The following CHD8 variants were observed in gnomAD, a reference collection of about 807,000 sequenced individuals.
CHD8 encodes the protein chromodomain helicase DNA binding protein 8, also known as ATP-dependent chromatin remodeler CHD8.
Under a neutral mutation model 279.2 loss-of-function variants are expected in CHD8, and 31 were observed. The ratio of observed to expected loss-of-function variants is 0.11; its 90% CI spans 0.08 to 0.15. The LOEUF is 0.15. CHD8 is among the 10% of genes least tolerant of loss of function. The probability of loss-of-function intolerance (pLI) is 1.00; values close to 1 mark genes in which losing one functional copy is unlikely to be tolerated. For synonymous variants in CHD8, 1,081 were observed against 1,139.6 expected (o/e 0.95, Z 1.04); for missense variants, 2,146 against 3,230.5 (o/e 0.66, Z 8.14).
intron 26 of CHD8, chr14:21,399,281 A>G: frequency 3.1e-6 from 1 of 321,494 alleles, no homozygotes; most frequent in South Asian, 3.2e-5. Flanking sequence ...TATTAACAAT[A>G]GTTGGGGTAT....
chr14:21,405,071 C>T lies in CHD8; in HGVS notation c.3307+138G>A, dbSNP rs192710775. 3,014 of 739,134 alleles carry T rather than the reference C, an allele frequency of 4.1e-3. 12 individuals carry two copies. The highest frequency in any genetic ancestry group is 5.6e-3 in the Non-Finnish European group (2,599 of 460,786). The allele number at this position is 739,134 out of a possible 1,614,324, so 45.8% of individuals were successfully genotyped here. A position where few individuals can be genotyped will look rare whatever the true frequency, so the allele number is the denominator to read the frequency against. On this transcript the variant is annotated intron_variant, in intron 16 of 37. Coordinates refer to ENST00000646647, the MANE Select transcript of CHD8 (RefSeq NM_001170629.2). The surrounding 1 kb of genome is among the most constrained non-coding windows in gnomAD (Gnocchi z 4.2). ...TAGAGTCTCTTTTTTAAAAGGAGAA[C>T]CATTTCCCTCCCATTCCTCAGTCCG...
At chr14:21,404,551 C>G (rs1888180685) in intron 16 of CHD8, among the ~76,000 whole-genome samples, 3 of 152,108 alleles carry the variant, frequency 2.0e-5, no homozygotes, top group African/African-American at 7.2e-5. Flanking sequence ...CCAAAAGAGA[C>G]AGAAACAGCA....
At chr14:21,386,294 A>G (rs1030463494) in intron 37 of CHD8, 118 bp from the exon 38 acceptor site, 4 of 954,058 alleles carry the variant, frequency 4.2e-6, no homozygotes, top group Admixed American at 5.7e-5. Context: ...TAGAAGAGGC[A>G]AAACAAGCAC....
intron 10 of CHD8, among the ~76,000 whole-genome samples, chr14:21,411,757 T>C (rs1040661700): frequency 1.3e-5 from 2 of 152,184 alleles, no homozygotes; most frequent in African/African-American, 4.8e-5. Context: ...AAGACCTAGA[T>C]GACCATTTGA....
chr14:21,414,692 C>T, intron 8 of CHD8: 2 of 597,076 alleles, frequency 3.3e-6, no homozygotes, highest in Non-Finnish European at 5.9e-6. Context: ...TAGTGCTAAA[C>T]TAAGGTAAAG....
chr14:21,406,751 C>T, intron 14 of CHD8, 105 bp downstream of exon 14: 1 of 1,025,766 alleles, frequency 9.7e-7, no homozygotes, highest in Non-Finnish European at 1.4e-6. Flanking sequence ...TGTTCAATAC[C>T]ACGATTCAGA....
intron 34 of CHD8, 31 bp from the exon 35 acceptor site, chr14:21,391,977 C>G: frequency 7.0e-7 from 1 of 1,425,398 alleles, no homozygotes; most frequent in Non-Finnish European, 9.9e-7. Context: ...CCCAAGACAT[C>G]ATATGGTACA....
At chr14:21,406,049 A>G (rs973211905) in intron 14 of CHD8, among the ~76,000 whole-genome samples, 185 bp from the exon 15 acceptor site, 3 of 152,220 alleles carry the variant, frequency 2.0e-5, no homozygotes, top group African/African-American at 7.2e-5. Flanking sequence ...ATAAACACAA[A>G]GCATTCAAGA....
intron 34 of CHD8, chr14:21,392,296 T>TG: frequency 1.3e-6 from 1 of 767,284 alleles, no homozygotes; most frequent in Non-Finnish European, 2.3e-6. Flanking sequence ...AAGAAACTTT[T>TG]GTTGAATATT....
chr14:21,438,783 C>A (rs1258594002), intron 1 of CHD8, among the ~76,000 whole-genome samples: 1 of 151,610 alleles, frequency 6.6e-6, no homozygotes, highest in Non-Finnish European at 1.5e-5. Flanking sequence ...GAGCCAAGAT[C>A]ACCCCACTGC....
intron 1 of CHD8, among the ~76,000 whole-genome samples, chr14:21,441,818 G>A (rs945536015): frequency 2.0e-5 from 3 of 152,202 alleles, no homozygotes; most frequent in African/African-American, 7.2e-5. Context: ...GAACCCGGGA[G>A]GCGGAGCTTG....
intron 10 of CHD8, among the ~76,000 whole-genome samples, chr14:21,410,652 A>C (rs1348839586): frequency 6.6e-6 from 1 of 152,262 alleles, no homozygotes; most frequent in Non-Finnish European, 1.5e-5. Context: ...TCCTATTTTC[A>C]CTATTCAAGA....
chr14:21,433,127 G>C (rs1889634634), intron 1 of CHD8, among the ~76,000 whole-genome samples: 1 of 152,188 alleles, frequency 6.6e-6, no homozygotes, highest in Non-Finnish European at 1.5e-5. Flanking sequence ...AGCACATATA[G>C]TAGCTAATCA....
intron 9 of CHD8, chr14:21,413,700 C>T (rs1323074426): frequency 1.3e-5 from 2 of 152,638 alleles, no homozygotes; most frequent in African/African-American, 4.8e-5. Flanking sequence ...CGGCCCCATA[C>T]CTAAACTTTT....
rs139858696 is a variant in CHD8, at chr14:21,453,584, C to G, written c.-216+2448G>C. Among the ~76,000 whole-genome samples the G allele has an allele frequency of 3.2e-3, 483 of 151,948 alleles. 13 individuals carry two copies. The highest frequency in any genetic ancestry group is 0.011 in the African/African-American group (450 of 41,242). On this transcript the variant is annotated intron_variant, in intron 1 of 37. Coordinates refer to ENST00000646647, the MANE Select transcript of CHD8 (RefSeq NM_001170629.2). ...AATGTAAGGACAGGTCATGCGAAGA[C>G]CTGCAGATCAAGGACTGGCTCAAAT...
At chr14:21,395,419 A>AATCACTTT in intron 28 of CHD8, 67 bp from the exon 29 acceptor site, 2 of 1,115,098 alleles carry the variant, frequency 1.8e-6, no homozygotes, top group East Asian at 5.0e-5. Context: ...GGCACTCTGA[A>AATCACTTT]ATCACTTTCT....
intron 10 of CHD8, among the ~76,000 whole-genome samples, chr14:21,410,981 A>C (rs1888468934): frequency 6.6e-6 from 1 of 152,176 alleles, no homozygotes; most frequent in Admixed American, 6.5e-5. Flanking sequence ...ATGGATGACA[A>C]ACTTATTTTG....
intron 10 of CHD8, among the ~76,000 whole-genome samples, 168 bp from the exon 11 acceptor site, chr14:21,410,156 T>C (rs564827039): frequency 1.3e-5 from 2 of 152,320 alleles, no homozygotes; most frequent in South Asian, 2.1e-4. Flanking sequence ...TGATGCACTA[T>C]ATGGCTTTGA....
intron 1 of CHD8, among the ~76,000 whole-genome samples, chr14:21,444,575 T>G (rs1048749617): frequency 1.4e-4 from 21 of 152,144 alleles, no homozygotes; most frequent in African/African-American, 4.8e-4. Flanking sequence ...CTTCACACTC[T>G]AAAGGATCCA....
Sources: allele counts gnomAD v4.1 joint callset (sites outside exome capture counted in the v4.1 genomes callset), GRCh38; gene constraint gnomAD v4.1.1; non-coding constraint Gnocchi (gnomAD v3.1); transcripts MANE v1.5; gene names NCBI Gene and HGNC (gene_info 2026-07-23, HGNC 2026-07-21).